PCDHA1: variants seen among roughly 807,000 people sequenced by gnomAD.
The protein encoded by PCDHA1 is protocadherin alpha 1.
Under a neutral mutation model 61.3 loss-of-function variants are expected in PCDHA1, and 42 were observed. The observed-to-expected ratio is 0.69, with a 90% CI of 0.54 to 0.89. The LOEUF (loss-of-function observed/expected upper bound fraction) is 0.89, where lower values mean the gene tolerates loss of function less well. PCDHA1 is among the 40% of genes least tolerant of loss of function. The pLI is 0.00. For missense variants in PCDHA1, 1,256 were observed against 1,235.3 expected (o/e 1.02, Z -0.25); for synonymous variants, 610 against 553.8 (o/e 1.10, Z -1.43).
chr5:140,820,100 C>G (rs2150105826), intron 1 of PCDHA1, among the ~76,000 whole-genome samples: 1 of 151,902 alleles, frequency 6.6e-6, no homozygotes, highest in South Asian at 2.1e-4. Context: ...TATTTATTAT[C>G]ATTTTCTTAT....
At chr5:140,880,042 G>A (rs530262393) in intron 1 of PCDHA1, among the ~76,000 whole-genome samples, 3 of 152,208 alleles carry the variant, frequency 2.0e-5, no homozygotes, top group Non-Finnish European at 4.4e-5. Flanking sequence ...CAGGGATTAA[G>A]ATGTGGGCAT....
chr5:140,835,419 A>T, intron 1 of PCDHA1: 1 of 1,613,974 alleles, frequency 6.2e-7, no homozygotes, highest in Non-Finnish European at 8.5e-7. Context: ...TGTAAATGAC[A>T]ATGCTCCACA....
Position 140,786,969 on chromosome 5 carries a change from G to A in PCDHA1, c.679G>A (p.Glu227Lys), listed in dbSNP as rs1761342763. Residue 227 changes from glutamate (E) to lysine (K), a missense_variant, in exon 1 of 4, where the codon GAG (glutamate) becomes AAG (lysine). Coordinates refer to ENST00000504120, the MANE Select transcript of PCDHA1 (RefSeq NM_018900.4). ...CAAACCGGAGCTGCAAGGTACAGTT[G>A]AGCTGCTGATCACCGTCCTCGACGT... ...GGKPELQGTVELLITVLDVND... is the reference protein window; with the variant it reads ...GGKPELQGTVKLLITVLDVND... 1.2e-6 allele frequency: 2 copies of A among 1,614,060 alleles called. No individual in the cohort carries two copies. The highest frequency in any genetic ancestry group is 1.7e-5 in the Admixed American group (1 of 60,012).
In PCDHA1 at chr5:140,830,423, C is replaced by T. The variant is rs2150186297; in HGVS notation, c.2394+41739C>T. 29 of 1,613,982 alleles carry T rather than the reference C, an allele frequency of 1.8e-5. 1 individual carries two copies. The Middle Eastern group carries it at 2.0e-3, about 110-fold the overall frequency. ...CATGGCCTTTAGCCCCAGCCTTTCACCTTGTCCTATTATGATGGGTAAGGC... is the reference window on the plus strand; with the variant it reads ...CATGGCCTTTAGCCCCAGCCTTTCATCTTGTCCTATTATGATGGGTAAGGC... On this transcript the variant is annotated intron_variant, in intron 1 of 3. Transcript: ENST00000504120.
chr5:140,794,949 A>T, intron 1 of PCDHA1: 1 of 1,594,962 alleles, frequency 6.3e-7, no homozygotes, highest in Non-Finnish European at 8.5e-7. Context: ...TTTGATCAAA[A>T]CATTGAGGAT....
At chr5:140,794,616 T>A (rs1043668371) in intron 1 of PCDHA1, among the ~76,000 whole-genome samples, 4 of 152,260 alleles carry the variant, frequency 2.6e-5, no homozygotes, top group Non-Finnish European at 4.4e-5. Flanking sequence ...ATGGTAATTT[T>A]AAATATTATG....
rs2150424072 is a variant in PCDHA1, at chr5:140,848,906, A to C, written c.2394+60222A>C. 6 of 1,608,120 alleles carry C rather than the reference A, an allele frequency of 3.7e-6. No individual in the cohort carries two copies. In the East Asian group the frequency reaches 1.3e-4, roughly 36 times the overall value. On this transcript the variant is annotated intron_variant, in intron 1 of 3. Transcript: ENST00000504120. ...ACCCTCCAGTGTTCCCAGCGACACA[A>C]AAGAATCTGTTCATCGCGGAATCCA... is the stretch of plus-strand genomic sequence containing the variant.
chr5:140,884,159 A>T, intron 1 of PCDHA1: 3 of 1,613,418 alleles, frequency 1.9e-6, no homozygotes, highest in Non-Finnish European at 2.5e-6. Context: ...CACTGGCGAG[A>T]TCAGCACGAC....
At chr5:140,969,267 G>A in intron 1 of PCDHA1, 5 of 1,614,208 alleles carry the variant, frequency 3.1e-6, no homozygotes, top group South Asian at 2.2e-5. Flanking sequence ...AATCTCACAG[G>A]CCAAAGTGGT....
intron 1 of PCDHA1, chr5:140,807,610 C>T (rs1554124152): frequency 1.2e-6 from 2 of 1,614,192 alleles, no homozygotes; most frequent in East Asian, 2.2e-5. Flanking sequence ...AGAACCTGTC[C>T]ATCGCGGAAT....
In PCDHA1 at chr5:141,011,530, T is replaced by C. The variant is rs1427621980; in HGVS notation, c.*1593T>C. 7 of 153,810 alleles carry C rather than the reference T, an allele frequency of 4.6e-5. No individual in the cohort carries two copies. The highest frequency in any genetic ancestry group is 1.7e-4 in the African/African-American group (7 of 41,470). The allele number at this position is 153,810 out of a possible 1,614,324, so 9.5% of individuals were successfully genotyped here. Reference sequence around the variant, plus strand: ...TGGAGTAGTGTTTTTTTAACCATTGTTAATCAGCTTTTGTGTATGAAAGAC... The same window carrying C: ...TGGAGTAGTGTTTTTTTAACCATTGCTAATCAGCTTTTGTGTATGAAAGAC... On this transcript the variant is annotated 3_prime_UTR_variant, in exon 4 of 4. Transcript: ENST00000504120.
chr5:140,950,100 A>G (rs964595718), intron 1 of PCDHA1, among the ~76,000 whole-genome samples: 1 of 151,910 alleles, frequency 6.6e-6, no homozygotes, highest in Non-Finnish European at 1.5e-5. Flanking sequence ...CATTTGTATT[A>G]AATCTCATAC....
At chr5:140,994,163 G>A (rs2097601451) in intron 3 of PCDHA1, among the ~76,000 whole-genome samples, 1 of 152,200 alleles carries the variant, frequency 6.6e-6, no homozygotes, top group African/African-American at 2.4e-5. Flanking sequence ...CAACGAAGGG[G>A]AAGGAAGCTG....
At chr5:140,830,595 A>T (rs1211988940) in intron 1 of PCDHA1, 21 of 702,108 alleles carry the variant, frequency 3.0e-5, no homozygotes, top group Non-Finnish European at 4.4e-5. Flanking sequence ...ATTTTACAAA[A>T]TTACATATTT....
intron 1 of PCDHA1, chr5:140,851,766 T>G: frequency 2.1e-6 from 2 of 968,988 alleles, no homozygotes; most frequent in Non-Finnish European, 2.5e-6. Flanking sequence ...AACATTACCC[T>G]TATGAATTTA....
At position 140,856,129 on chromosome 5, in the gene PCDHA1, C is replaced by A. The variant is rs149039484; in HGVS notation, c.2394+67445C>A. Reference sequence around the variant, plus strand: ...TCCTCGCAGCCTGGGAGGTGGGGAGCGGCCAGCTCCACTACTCAGTCTACG... The same window carrying A: ...TCCTCGCAGCCTGGGAGGTGGGGAGAGGCCAGCTCCACTACTCAGTCTACG... On this transcript the variant is annotated intron_variant, in intron 1 of 3. Coordinates refer to ENST00000504120, the MANE Select transcript of PCDHA1 (RefSeq NM_018900.4). 3,312 of 1,598,096 alleles carry A rather than the reference C, an allele frequency of 2.1e-3. 297 individuals are homozygous for A. Among genetic ancestry groups the A allele is most frequent in the Non-Finnish European group, 2.6e-3 (3,056 of 1,167,792 alleles).
intron 1 of PCDHA1, among the ~76,000 whole-genome samples, chr5:140,963,165 A>G (rs775997183): frequency 2.6e-5 from 4 of 152,110 alleles, no homozygotes; most frequent in Non-Finnish European, 5.9e-5. Flanking sequence ...GACACATGCC[A>G]TCTTACAGAT....
At chr5:140,796,879 G>A (rs782493652) in intron 1 of PCDHA1, 14 of 1,614,008 alleles carry the variant, frequency 8.7e-6, no homozygotes, top group South Asian at 4.4e-5. Context: ...TGCCCTAGAC[G>A]AGGCTGACTC....
At chr5:140,929,370 C>T in intron 1 of PCDHA1, 1 of 1,515,732 alleles carries the variant, frequency 6.6e-7, no homozygotes, top group Non-Finnish European at 8.8e-7. Flanking sequence ...CCGGAGATGG[C>T]TGCTAGCTGT....
Sources: gnomAD v4.1 joint callset for allele counts (sites outside exome capture counted in the v4.1 genomes callset) on GRCh38, gnomAD v4.1.1 for gene constraint, MANE v1.5 for transcripts, NCBI Gene and HGNC (gene_info 2026-07-23, HGNC 2026-07-21) for gene names.